Variants in ETV7 observed in about 807,000 individuals in gnomAD.
ETV7 encodes transcription factor ETV7.
A neutral mutation model predicts 39.1 loss-of-function variants in ETV7; 43 were observed. The observed-to-expected ratio is 1.10, with a 90% CI of 0.86 to 1.42. The LOEUF (loss-of-function observed/expected upper bound fraction) is 1.42, where lower values mean the gene tolerates loss of function less well. Among genes scored for constraint, ETV7 ranks in the 40% most tolerant of loss-of-function variants. ETV7 has a pLI of 0.00. For missense variants in ETV7, 432 were observed against 442.3 expected (o/e 0.98, Z 0.21); for synonymous variants, 196 against 176.6 (o/e 1.11, Z -0.87).
chr6:36,360,474 C>T (rs995798498), intron 7 of ETV7, among the ~76,000 whole-genome samples: 1 of 152,084 alleles, frequency 6.6e-6, no homozygotes, highest in Non-Finnish European at 1.5e-5. Context: ...CCACCCCCAC[C>T]CCTGCTACTT....
Position 36,369,087 on chromosome 6 carries a change from G to C in ETV7, c.665-16C>G. ...AGGCGGCAGTCTGCAATTTAGCACA[G>C]GGAGTGCAGGCAGCGCAGCTTTACT... On this transcript the variant is annotated splice_polypyrimidine_tract_variant and intron_variant, in intron 5 of 7. Transcript: ENST00000340181. The C allele has an allele frequency of 6.2e-7, 1 of 1,613,796 alleles. No homozygotes were observed. The highest frequency in any genetic ancestry group is 8.5e-7 in the Non-Finnish European group (1 of 1,179,942).
intron 2 of ETV7, among the ~76,000 whole-genome samples, chr6:36,376,857 C>A (rs61212666): frequency 0.15 from 22,494 of 151,746 alleles, 2,012 homozygotes; most frequent in African/African-American, 0.26. Context: ...AAGTGACTAG[C>A]CCACACGCAT....
intron 7 of ETV7, among the ~76,000 whole-genome samples, chr6:36,359,520 T>G (rs1438992592): frequency 1.3e-5 from 2 of 151,956 alleles, no homozygotes; most frequent in Admixed American, 6.6e-5. Context: ...GGAGAGAAAG[T>G]GACATAGGTA....
rs1772864695 is a variant in ETV7, at chr6:36,368,980, G to A, written c.756C>T (p.Ile252=). The part of the protein sequence containing the change: ...YIKWEDKDAK[I]FRVVDPNGLA... ...GCCCATTTGGATCCACAACTCGGAAGATCTTGGCGTCCTTGTCTTCCCACT... is the reference window on the plus strand; with the variant it reads ...GCCCATTTGGATCCACAACTCGGAAAATCTTGGCGTCCTTGTCTTCCCACT... The change falls in exon 6 of 8, where the codon ATC becomes ATT. Residue 252 remains isoleucine (I), a synonymous_variant. Coordinates refer to ENST00000340181, the MANE Select transcript of ETV7 (RefSeq NM_016135.4). 6.2e-7 allele frequency: 1 copy of A among 1,614,190 alleles called. No homozygotes were observed. Among genetic ancestry groups the A allele is most frequent in the Non-Finnish European group, 8.5e-7 (1 of 1,180,030 alleles).
intron 2 of ETV7, among the ~76,000 whole-genome samples, chr6:36,382,032 G>C (rs1343962192): frequency 6.6e-6 from 1 of 152,112 alleles, no homozygotes; most frequent in African/African-American, 2.4e-5. Context: ...ACACGTTCCA[G>C]TGAATTAGAA....
At chr6:36,376,135 C>T (rs1773331080) in intron 2 of ETV7, 100 bp from the exon 3 acceptor site, 4 of 1,075,854 alleles carry the variant, frequency 3.7e-6, no homozygotes, top group African/African-American at 1.6e-5. Context: ...CTGTCCTGGC[C>T]CCCAACCCCC....
At position 36,366,717 on chromosome 6, in the gene ETV7, G is replaced by A. The variant is rs779516265; in HGVS notation, c.954C>T (p.His318=). The A allele has an allele frequency of 6.2e-7, 1 of 1,614,056 alleles. No individual in the cohort carries two copies. The highest frequency in any genetic ancestry group is 8.5e-7 in the Non-Finnish European group (1 of 1,179,994). The change falls in exon 8 of 8, where the codon CAC becomes CAT. Residue 318 remains histidine, a synonymous_variant. Coordinates refer to ENST00000340181, the MANE Select transcript of ETV7 (RefSeq NM_016135.4). ...GCTCCTGGCTCTCCAGCGGCTCCAG[G>A]TGGCTGTGCTTGTCCTGGACCATCT... ...PGKMVQDKHS[H]LEPLESQEQD...
At chr6:36,356,662 G>A (rs1221474983) in intron 7 of ETV7, among the ~76,000 whole-genome samples, 1 of 152,228 alleles carries the variant, frequency 6.6e-6, no homozygotes, top group African/African-American at 2.4e-5. Context: ...CCACGGAAAT[G>A]GGCTTCTCTT....
chr6:36,363,227 A>C (rs1772572991), downstream of ETV7, among the ~76,000 whole-genome samples: 2 of 152,196 alleles, frequency 1.3e-5, no homozygotes, highest in African/African-American at 4.8e-5. Context: ...CAGGTGGCGC[A>C]TCTGGAGTTT....
Position 36,385,638 on chromosome 6 carries a change from G to A in ETV7, c.38C>T (p.Pro13Leu). Residue 13 changes from proline (P) to leucine (L), a missense_variant, in exon 2 of 8, where the codon CCT becomes CTT. By Grantham distance (98) the Pro-to-Leu change is moderately conservative. Coordinates refer to ENST00000340181, the MANE Select transcript of ETV7 (RefSeq NM_016135.4). ...EGELAISPIS[P>L]VAAMPPLGTH... ...GCCTAGGGGAGGCATGGCTGCCACA[G>A]GGCTTATAGGAGAAATAGCCAATTC... The A allele has an allele frequency of 6.2e-7, 1 of 1,613,572 alleles. No homozygotes were observed. The highest frequency in any genetic ancestry group is 8.5e-7 in the Non-Finnish European group (1 of 1,179,750).
chr6:36,379,477 G>A (rs4713968), intron 2 of ETV7, among the ~76,000 whole-genome samples: 62,431 of 151,090 alleles, frequency 0.41, 13,885 homozygotes, highest in African/African-American at 0.56. Flanking sequence ...GAGCCCAAGA[G>A]TTCACGGATG....
At chr6:36,384,018 A>G (rs1425945120) in intron 2 of ETV7, among the ~76,000 whole-genome samples, 2 of 152,214 alleles carry the variant, frequency 1.3e-5, no homozygotes, top group African/African-American at 2.4e-5. Context: ...TGGAAACAGC[A>G]TTCATGCTGT....
chr6:36,378,694 G>A (rs1212785474), intron 2 of ETV7, among the ~76,000 whole-genome samples: 1 of 152,126 alleles, frequency 6.6e-6, no homozygotes, highest in Admixed American at 6.5e-5. Context: ...TTGACTCTTT[G>A]GGACTGATAA....
intron 3 of ETV7, 23 bp from the exon 4 acceptor site, chr6:36,373,601 G>GGGGGGTGGGC: frequency 4.2e-6 from 2 of 475,646 alleles, no homozygotes; most frequent in Non-Finnish European, 8.0e-6. Context: ...GGGAGGGAGG[G>GGGGGGTGGGC]CAGGCTGCTG....
At chr6:36,375,358 C>T (rs1238289768) in intron 3 of ETV7, among the ~76,000 whole-genome samples, 3 of 152,166 alleles carry the variant, frequency 2.0e-5, no homozygotes, top group African/African-American at 7.2e-5. Context: ...TCCCTCCCAC[C>T]ACCAGTCCCT....
chr6:36,387,249 G>A (rs887401134), intron 1 of ETV7, among the ~76,000 whole-genome samples: 1 of 152,194 alleles, frequency 6.6e-6, no homozygotes. Context: ...GGTTGGTGTA[G>A]GGGCGACCAG....
At chr6:36,384,066 T>C (rs1224063630) in intron 2 of ETV7, among the ~76,000 whole-genome samples, 1 of 152,212 alleles carries the variant, frequency 6.6e-6, no homozygotes, top group African/African-American at 2.4e-5. Context: ...CCTTACCCAC[T>C]GGTTGGAATA....
chr6:36,372,229 C>G (rs1303070922), intron 4 of ETV7, among the ~76,000 whole-genome samples: 1 of 151,978 alleles, frequency 6.6e-6, no homozygotes, highest in Admixed American at 6.6e-5. Context: ...GCAGAGGGAA[C>G]AGTAAGTGCA....
Position 36,366,230 on chromosome 6 carries a change from A to G in ETV7, c.*415T>C. The stretch of plus-strand genomic sequence containing the variant: ...TGTTTTTATTGTTACTGAGGCTGTC[A>G]GTGCCGCCTGGAAGCACTAACACTT... On this transcript the variant is annotated 3_prime_UTR_variant, in exon 8 of 8. Transcript: ENST00000340181. 2.9e-6 allele frequency: 3 copies of G among 1,025,324 alleles called. No homozygotes were observed. Among genetic ancestry groups the G allele is most frequent in the Non-Finnish European group, 3.5e-6 (3 of 853,728 alleles). 63.5% of individuals were successfully genotyped at this position (1,025,324 alleles called of 1,614,324 possible).
Sources: allele counts gnomAD v4.1 joint callset (sites outside exome capture counted in the v4.1 genomes callset), GRCh38; gene constraint gnomAD v4.1.1; transcripts MANE v1.5; gene names NCBI Gene and HGNC (gene_info 2026-07-23, HGNC 2026-07-21).